ZNF362: variants seen among roughly 807,000 people sequenced by gnomAD.
ZNF362 encodes rotund homolog.
Under a neutral mutation model 42.9 loss-of-function variants are expected in ZNF362, and 11 were observed. That is an observed-to-expected ratio of 0.26 (90% CI 0.16 to 0.42). The LOEUF (loss-of-function observed/expected upper bound fraction) is 0.42. ZNF362 is among the 20% of genes least tolerant of loss of function. The pLI, the probability that ZNF362 is intolerant of heterozygous loss-of-function variation, is 1.00. For missense variants in ZNF362, 362 were observed against 576.2 expected (o/e 0.63, Z 3.81); for synonymous variants, 255 against 257.3 (o/e 0.99, Z 0.09).
rs1244597264 is a variant in ZNF362, at chr1:33,281,875, T to C, written c.908+64T>C. On this transcript the variant is annotated intron_variant, in intron 6 of 8. Coordinates refer to ENST00000539719, the MANE Select transcript of ZNF362 (RefSeq NM_152493.3). This position sits in a 1 kb window ranked among gnomAD's most constrained non-coding sequence, Gnocchi z 4.8. The stretch of plus-strand genomic sequence containing the variant: ...AGCTCAGCACCCGTGGCCTGGCACA[T>C]GGAGCCAGTGCAAGGAGGGGCAAGG... 3.2e-6 allele frequency: 5 copies of C among 1,557,684 alleles called. No homozygotes were observed. The highest frequency in any genetic ancestry group is 4.4e-6 in the Non-Finnish European group (5 of 1,135,582).
the ZNF362 span, among the ~76,000 whole-genome samples, chr1:33,234,852 A>T: frequency 3.3e-5 from 5 of 152,112 alleles, no homozygotes; most frequent in Non-Finnish European, 7.4e-5. Flanking sequence ...GCTGCCAGGG[A>T]GATCAAAGAG....
At chr1:33,205,434 A>G in the ZNF362 span, among the ~76,000 whole-genome samples, 1 of 152,158 alleles carries the variant, frequency 6.6e-6, no homozygotes, top group Non-Finnish European at 1.5e-5. Flanking sequence ...GCACTGAGCT[A>G]TGATTGCACA....
chr1:33,147,126 C>T, the ZNF362 span: 1 of 1,581,810 alleles, frequency 6.3e-7, no homozygotes, highest in South Asian at 1.2e-5. The surrounding 1 kb of genome is among the most constrained non-coding windows in gnomAD (Gnocchi z 8.1). Flanking sequence ...CTGGGCAGGG[C>T]TCTTGCAGGT....
the ZNF362 span, among the ~76,000 whole-genome samples, chr1:33,222,947 T>C: frequency 6.6e-6 from 1 of 152,160 alleles, no homozygotes; most frequent in Non-Finnish European, 1.5e-5. Flanking sequence ...TGAGATCTGA[T>C]GGTTTTAAAA....
the ZNF362 span, chr1:33,181,121 G>T: frequency 1.9e-6 from 3 of 1,600,590 alleles, no homozygotes; most frequent in Non-Finnish European, 2.5e-6. This position sits in a 1 kb window ranked among gnomAD's most constrained non-coding sequence, Gnocchi z 6.5. Context: ...CGCGGTCCGT[G>T]AGGCAGAAGA....
intron 2 of ZNF362, among the ~76,000 whole-genome samples, chr1:33,273,419 T>G (rs954823294): frequency 6.6e-6 from 1 of 152,202 alleles, no homozygotes; most frequent in African/African-American, 2.4e-5. Context: ...CTATCCCAGC[T>G]GTGGTACCCT....
At chr1:33,189,354 C>G in the ZNF362 span, among the ~76,000 whole-genome samples, 1 of 151,962 alleles carries the variant, frequency 6.6e-6, no homozygotes, top group Non-Finnish European at 1.5e-5. Context: ...TTTGTGACCT[C>G]TGGTCCTGCT....
the ZNF362 span, among the ~76,000 whole-genome samples, chr1:33,154,031 G>A: frequency 1.3e-5 from 2 of 152,194 alleles, no homozygotes; most frequent in Admixed American, 1.3e-4. Context: ...AAACTAAGAT[G>A]CCAAGGAGAG....
the ZNF362 span, among the ~76,000 whole-genome samples, chr1:33,128,271 G>T: frequency 6.6e-6 from 1 of 151,938 alleles, no homozygotes; most frequent in African/African-American, 2.4e-5. Context: ...CTACTCTGGA[G>T]GCTGAGGTGG....
the ZNF362 span, among the ~76,000 whole-genome samples, chr1:33,220,232 C>T: frequency 1.3e-5 from 2 of 152,192 alleles, no homozygotes; most frequent in East Asian, 3.9e-4. Context: ...CCCTCAATCT[C>T]CAATCTGGTG....
the ZNF362 span, among the ~76,000 whole-genome samples, chr1:33,171,821 A>G: frequency 6.6e-6 from 1 of 152,194 alleles, no homozygotes; most frequent in African/African-American, 2.4e-5. Context: ...TCGCTCTGTA[A>G]CCCAGTCTGG....
chr1:33,290,733 C>T (rs987611896), intron 6 of ZNF362, among the ~76,000 whole-genome samples: 32 of 152,208 alleles, frequency 2.1e-4, no homozygotes, highest in African/African-American at 7.5e-4. Flanking sequence ...CTGTTGTTTC[C>T]TGACTTTTTA....
At chr1:33,256,905 TGTGTGTGCGTGTGTGTGTGTGCGCGCGC>T (rs1476830511) in intron 1 of ZNF362, among the ~76,000 whole-genome samples, 127 of 148,994 alleles carry the variant, frequency 8.5e-4, no homozygotes, top group Non-Finnish European at 1.5e-3. Context: ...GGTCTCCGAG[TGTGTGTGCGTGTGTGTGTGTGCGCGCGC>T]GTGTGTGTGT....
At chr1:33,148,158 A>G in the ZNF362 span, among the ~76,000 whole-genome samples, 3 of 152,164 alleles carry the variant, frequency 2.0e-5, no homozygotes, top group African/African-American at 7.2e-5. Flanking sequence ...AACAGCTGGG[A>G]TCCAGGGATG....
intron 1 of ZNF362, among the ~76,000 whole-genome samples, chr1:33,258,260 G>T (rs1352939769): frequency 6.6e-6 from 1 of 152,164 alleles, no homozygotes; most frequent in Admixed American, 6.5e-5. Context: ...GGGATCTGAA[G>T]GCCAGGCCCA....
chr1:33,254,325 C>T (rs186310475), upstream of ZNF362, among the ~76,000 whole-genome samples: 2 of 152,188 alleles, frequency 1.3e-5, no homozygotes, highest in South Asian at 2.1e-4. Context: ...GGTTTCACCA[C>T]GTTGGTCAGG....
At chr1:33,176,091 T>C in the ZNF362 span, among the ~76,000 whole-genome samples, 1 of 152,192 alleles carries the variant, frequency 6.6e-6, no homozygotes, top group Non-Finnish European at 1.5e-5. Flanking sequence ...GCTGTTGGCA[T>C]AGAAATCCTG....
At chr1:33,127,777 A>G in the ZNF362 span, among the ~76,000 whole-genome samples, 1 of 152,246 alleles carries the variant, frequency 6.6e-6, no homozygotes, top group Non-Finnish European at 1.5e-5. Flanking sequence ...GGTCTTTGAA[A>G]TAATTCTTGA....
upstream of ZNF362, among the ~76,000 whole-genome samples, chr1:33,254,973 G>C (rs940016928): frequency 3.3e-5 from 5 of 152,010 alleles, no homozygotes; most frequent in Non-Finnish European, 7.4e-5. Flanking sequence ...TCCCCACCTC[G>C]CTCACCCCAG....
Sources: gnomAD v4.1 joint callset for allele counts (sites outside exome capture counted in the v4.1 genomes callset) on GRCh38, gnomAD v4.1.1 for gene constraint, Gnocchi (gnomAD v3.1) non-coding constraint, MANE v1.5 for transcripts, NCBI Gene and HGNC (gene_info 2026-07-23, HGNC 2026-07-21) for gene names.